Variants in FAM186A observed in about 807,000 individuals in gnomAD.
FAM186A encodes protein FAM186A.
FAM186A carries 163 observed loss-of-function variants against 216.8 expected under a neutral mutation model. That is an observed-to-expected ratio of 0.75 (90% CI 0.66 to 0.86). The LOEUF (loss-of-function observed/expected upper bound fraction) is 0.86. Among genes scored for constraint, FAM186A ranks in the 40% least tolerant of loss-of-function variants. The probability of loss-of-function intolerance (pLI) is 0.00; values close to 1 mark genes in which losing one functional copy is unlikely to be tolerated. For missense variants in FAM186A, 2,184 were observed against 2,746.2 expected, an observed-to-expected ratio of 0.80 and a Z score of 4.58; for synonymous variants, 805 against 1,025.3, an observed-to-expected ratio of 0.79 and a Z score of 4.10.
At chr12:50,331,867 A>G (rs921230107) in intron 5 of FAM186A, 46 bp from the exon 6 acceptor site, 35 of 1,460,402 alleles carry the variant, frequency 2.4e-5, no homozygotes, top group Non-Finnish European at 2.8e-5. Flanking sequence ...GAAAAGAGAC[A>G]GAATCTTTAG....
intron 1 of FAM186A, among the ~76,000 whole-genome samples, chr12:50,376,890 GC>G (rs1298503638): frequency 6.6e-6 from 1 of 151,860 alleles, no homozygotes; most frequent in African/African-American, 2.4e-5. Flanking sequence ...ACAGACGAGT[GC>G]CACCATGGTC....
chr12:50,330,513 G>C, intron 7 of FAM186A, 60 bp downstream of exon 7: 1 of 1,504,850 alleles, frequency 6.6e-7, no homozygotes, highest in Non-Finnish European at 8.9e-7. Flanking sequence ...TCAAGTTAGG[G>C]AACCAAAAGG....
At chr12:50,370,282 C>A (rs565685172) in intron 1 of FAM186A, among the ~76,000 whole-genome samples, 2 of 151,516 alleles carry the variant, frequency 1.3e-5, no homozygotes, top group Admixed American at 6.6e-5. Context: ...CCATCCTAGG[C>A]GACAGAGTGA....
intron 1 of FAM186A, among the ~76,000 whole-genome samples, chr12:50,379,701 G>A (rs868187596): frequency 6.6e-5 from 10 of 151,562 alleles, no homozygotes; most frequent in Non-Finnish European, 1.2e-4. Context: ...CAGGAGAATC[G>A]CTTGAACCCG....
chr12:50,376,747 T>C (rs1362875704), intron 1 of FAM186A, among the ~76,000 whole-genome samples: 4 of 4,648 alleles, frequency 8.6e-4, no homozygotes, highest in Admixed American at 6.2e-3. Context: ...TCTCTCTCTC[T>C]TTTTTTTTTT....
At chr12:50,335,474 T>C (rs1358015311) in intron 4 of FAM186A, among the ~76,000 whole-genome samples, 2 of 151,264 alleles carry the variant, frequency 1.3e-5, no homozygotes, top group Admixed American at 1.3e-4. Flanking sequence ...TGAAACCCCA[T>C]CTCCTCTAAA....
Position 50,351,730 on chromosome 12 carries a change from G to T in FAM186A, c.5102C>A (p.Ser1701Ter). The part of the protein sequence containing the change: ...LTLDKAHTLG[S>*]PLTLKQVQWS... ...CTGGACTTGCTTAAGGGTGAGGGGC[G>T]ATCCCAAGGTATGGGCTTTATCTAA... The change falls in exon 4 of 8, where the codon TCG becomes TAG. Residue 1701 changes from serine (S) to a stop codon, truncating the protein, a stop_gained. Transcript: ENST00000327337. LOFTEE classifies it high-confidence loss of function. 1 of 1,551,448 alleles carries T rather than the reference G, an allele frequency of 6.4e-7. No homozygotes were observed. The highest frequency in any genetic ancestry group is 8.7e-7 in the Non-Finnish European group (1 of 1,146,834).
At chr12:50,390,890 A>G (rs1378378253) in intron 1 of FAM186A, among the ~76,000 whole-genome samples, 4 of 152,094 alleles carry the variant, frequency 2.6e-5, no homozygotes, top group Non-Finnish European at 4.4e-5. Context: ...GGGTCTCGCC[A>G]TGTTGCCTAG....
At position 50,354,793 on chromosome 12, in the gene FAM186A, A is replaced by G; in HGVS notation, c.2039T>C (p.Leu680Pro). The change falls in exon 4 of 8, where the codon CTA (leucine) becomes CCA (proline). Residue 680 changes from leucine (L) to proline (P), a missense_variant. Coordinates refer to ENST00000327337, the MANE Select transcript of FAM186A (RefSeq NM_001145475.3). ...TCCTATGTTATCAATTTTCTGTTTT[A>G]GGAAAGCCATTATGGCTTCCTGAAA... is the stretch of plus-strand genomic sequence containing the variant. ...EEFQEAIMAF[L>P]KQKIDNIGKA... 1 of 1,535,386 alleles carries G rather than the reference A, an allele frequency of 6.5e-7. No homozygotes were observed.
At position 50,355,049 on chromosome 12, in the gene FAM186A, C is replaced by T; in HGVS notation, c.1783G>A (p.Asp595Asn). 1 of 1,551,652 alleles carries T rather than the reference C, an allele frequency of 6.4e-7. No individual in the cohort carries two copies. Among genetic ancestry groups the T allele is most frequent in the Non-Finnish European group, 8.7e-7 (1 of 1,146,994 alleles). The change falls in exon 4 of 8, where the codon GAT (aspartate) becomes AAT (asparagine). Residue 595 changes from aspartate (D) to asparagine (N), a missense_variant. By Grantham distance (23) the Asp-to-Asn change is conservative (BLOSUM62 1). Around this residue, in one of 7 missense-constraint regions of FAM186A, gnomAD observed 1,132 missense variants for 1,263.4 expected, o/e 0.90. Coordinates refer to ENST00000327337, the MANE Select transcript of FAM186A (RefSeq NM_001145475.3). ...LVEPLSMIQF[D>N]DTAEPQKGKI... ...CCTTTCTGTGGCTCAGCAGTATCAT[C>T]AAATTGGATCATACTGAGTGGCTCC...
rs973281655 is a variant in FAM186A, at chr12:50,356,347, A to G, written c.584-99T>C. 3.4e-6 allele frequency: 3 copies of G among 872,490 alleles called. 1 individual carries two copies. The South Asian group carries it at 6.9e-5, about 20-fold the overall frequency. The allele number at this position is 872,490 out of a possible 1,614,324, so 54.0% of individuals were successfully genotyped here. ...AAGGAATTTAGCCTAGATTAACTAT[A>G]ACTAATTAAATATAAGATAAAGATT... On this transcript the variant is annotated intron_variant, in intron 3 of 7. Coordinates refer to ENST00000327337, the MANE Select transcript of FAM186A (RefSeq NM_001145475.3).
At chr12:50,374,295 G>C (rs1478469345) in intron 1 of FAM186A, among the ~76,000 whole-genome samples, 1 of 149,646 alleles carries the variant, frequency 6.7e-6, no homozygotes, top group Non-Finnish European at 1.5e-5. Flanking sequence ...AAAACTTAAA[G>C]TATAATAATA....
intron 3 of FAM186A, among the ~76,000 whole-genome samples, chr12:50,357,975 CATAAATAA>C (rs5798138): frequency 6.7e-6 from 1 of 149,760 alleles, no homozygotes; most frequent in African/African-American, 2.5e-5. Context: ...GAGACTGTCT[CATAAATAA>C]ATAAATAAAT....
chr12:50,345,291 C>G lies in FAM186A; in HGVS notation c.6503+5038G>C, dbSNP rs559607743. Among the ~76,000 whole-genome samples the G allele has an allele frequency of 4.6e-5, 7 of 152,242 alleles. No homozygotes were observed. In the South Asian group the frequency reaches 1.0e-3, roughly 23 times the overall value. On this transcript the variant is annotated intron_variant, in intron 4 of 7. Coordinates refer to ENST00000327337, the MANE Select transcript of FAM186A (RefSeq NM_001145475.3). ...CTTTTCTCTGCAGCCTTGCTAACATCTGTTAGCAAGGCTGAGGCAGGAGAA... is the reference window on the plus strand; with the variant it reads ...CTTTTCTCTGCAGCCTTGCTAACATGTGTTAGCAAGGCTGAGGCAGGAGAA...
Position 50,353,497 on chromosome 12 carries a change from G to T in FAM186A, c.3335C>A (p.Thr1112Asn). The T allele has an allele frequency of 3.2e-6, 5 of 1,540,316 alleles. No homozygotes were observed. Among genetic ancestry groups the T allele is most frequent in the Non-Finnish European group, 8.8e-7 (1 of 1,141,300 alleles). ...CTCCAGGGCCTGGGCCTGCTGAGGG[G>T]TGAGAGGGATCCCTAGTTCCTGGGC... ...QQAQELGIPL[T>N]PQQAQALEIL... Residue 1112 changes from threonine to asparagine, a missense_variant, in exon 4 of 8, where the codon ACC becomes AAC. Transcript: ENST00000327337.
At chr12:50,366,643 A>C (rs1565891047) in intron 1 of FAM186A, among the ~76,000 whole-genome samples, 1 of 133,446 alleles carries the variant, frequency 7.5e-6, no homozygotes, top group African/African-American at 2.7e-5. Context: ...AAAAAAAAAA[A>C]AAAAACGTGA....
At chr12:50,391,455 A>G (rs908304440) in intron 1 of FAM186A, among the ~76,000 whole-genome samples, 20 of 149,620 alleles carry the variant, frequency 1.3e-4, no homozygotes, top group African/African-American at 5.0e-4. Flanking sequence ...AGCTGGGACC[A>G]CAGGTACCTG....
chr12:50,382,460 G>C (rs963376854), intron 1 of FAM186A, among the ~76,000 whole-genome samples: 13 of 152,010 alleles, frequency 8.6e-5, no homozygotes, highest in Admixed American at 2.0e-4. Flanking sequence ...AGCACTTTGG[G>C]AGGCTGAAGT....
chr12:50,341,185 T>A (rs1219983782), intron 4 of FAM186A, among the ~76,000 whole-genome samples: 1 of 152,236 alleles, frequency 6.6e-6, no homozygotes, highest in East Asian at 1.9e-4. Context: ...AACTATATTT[T>A]AGCACTTAAA....
Sources: allele counts gnomAD v4.1 joint callset (sites outside exome capture counted in the v4.1 genomes callset), GRCh38; gene constraint gnomAD v4.1.1; regional missense constraint gnomAD v4.1.1; transcripts MANE v1.5; gene names NCBI Gene and HGNC (gene_info 2026-07-23, HGNC 2026-07-21).